DCP2: variants seen among roughly 807,000 people sequenced by gnomAD.
The protein encoded by DCP2 is m7GpppN-mRNA hydrolase.
A neutral mutation model predicts 56.1 loss-of-function variants in DCP2; 30 were observed. That is an observed-to-expected ratio of 0.53 (90% CI 0.40 to 0.73). DCP2 has a LOEUF of 0.73. DCP2 is among the 30% of genes least tolerant of loss of function. The probability of loss-of-function intolerance (pLI) is 0.00; values close to 1 mark genes in which losing one functional copy is unlikely to be tolerated. For missense variants in DCP2, 533 were observed against 502.7 expected, an observed-to-expected ratio of 1.06 and a Z score of -0.58; for synonymous variants, 197 against 163.3, an observed-to-expected ratio of 1.21 and a Z score of -1.57.
At chr5:113,005,487 AAAC>A (rs1021223766) in intron 8 of DCP2, among the ~76,000 whole-genome samples, 37 of 152,298 alleles carry the variant, frequency 2.4e-4, no homozygotes, top group African/African-American at 7.0e-4. Context: ...CTATAATAAA[AAAC>A]AAAAAAACAG....
intron 4 of DCP2, among the ~76,000 whole-genome samples, chr5:112,995,724 T>C (rs568900560): frequency 6.6e-6 from 1 of 152,372 alleles, no homozygotes; most frequent in Non-Finnish European, 1.5e-5. Flanking sequence ...GATTAGGATT[T>C]TTAAAGGCAA....
Position 113,020,005 on chromosome 5 carries a change from T to TTGA in DCP2, c.*6524_*6526dup, listed in dbSNP as rs1440195179. On this transcript the variant is annotated 3_prime_UTR_variant, in exon 11 of 11. Transcript: ENST00000389063. ...ACTGTGCCTATTTCCAAAAGAAGAC[T>TTGA]TGATGTGGCTTTTTACATTATGCTT... 1.3e-5 allele frequency: 2 copies of TTGA among 152,222 alleles called. No individual in the cohort carries two copies. The highest frequency in any genetic ancestry group is 2.9e-5 in the Non-Finnish European group (2 of 68,014). The allele number at this position is 152,222 out of a possible 1,614,324, so 9.4% of individuals were successfully genotyped here. A position where few individuals can be genotyped will look rare whatever the true frequency, so the allele number is the denominator to read the frequency against.
At chr5:113,008,567 C>G (rs989897791) in intron 9 of DCP2, among the ~76,000 whole-genome samples, 4 of 152,090 alleles carry the variant, frequency 2.6e-5, no homozygotes, top group Non-Finnish European at 4.4e-5. Flanking sequence ...TCTGTAAGTT[C>G]TGATATTTGT....
chr5:112,984,331 C>T (rs1213709776), intron 1 of DCP2: 1 of 152,152 alleles, frequency 6.6e-6, no homozygotes, highest in Non-Finnish European at 1.5e-5. Flanking sequence ...ACATACACAT[C>T]TAGATGGAGT....
intron 8 of DCP2, among the ~76,000 whole-genome samples, chr5:113,007,643 C>T (rs1256319343): frequency 4.6e-5 from 7 of 151,922 alleles, no homozygotes; most frequent in South Asian, 2.1e-4. Flanking sequence ...GTGATCCGCC[C>T]GCCTCAGCCT....
At chr5:113,000,420 A>ACACACC (rs75090269) in intron 4 of DCP2, among the ~76,000 whole-genome samples, 7,029 of 146,712 alleles carry the variant, frequency 0.048, 235 homozygotes, top group Non-Finnish European at 0.072. Flanking sequence ...ACACACACAC[A>ACACACC]CACACCCACA....
chr5:113,000,033 C>T (rs542197081), intron 4 of DCP2, among the ~76,000 whole-genome samples: 103 of 144,968 alleles, frequency 7.1e-4, no homozygotes, highest in Non-Finnish European at 1.2e-3. Context: ...TGCACTCCAG[C>T]CCGGGCAACA....
chr5:113,009,023 T>G (rs1330060795), intron 9 of DCP2, among the ~76,000 whole-genome samples: 1 of 152,072 alleles, frequency 6.6e-6, no homozygotes, highest in East Asian at 1.9e-4. Context: ...TTTTTTTGTA[T>G]TTTAGTACAG....
In DCP2 at chr5:113,021,088, T is replaced by C. The variant is rs1006144246; in HGVS notation, c.*7604T>C. ...TGAACATGATAAAAGTATGTTTATA[T>C]AACAGGAAGAAGCTGGGCGCGGTGC... On this transcript the variant is annotated 3_prime_UTR_variant, in exon 11 of 11. Coordinates refer to ENST00000389063, the MANE Select transcript of DCP2 (RefSeq NM_152624.6). The C allele has an allele frequency of 2.0e-5, 3 of 152,136 alleles. No homozygotes were observed. The highest frequency in any genetic ancestry group is 4.4e-5 in the Non-Finnish European group (3 of 68,042). 9.4% of individuals were successfully genotyped at this position (152,136 alleles called of 1,614,324 possible). A position where few individuals can be genotyped will look rare whatever the true frequency, so the allele number is the denominator to read the frequency against.
chr5:112,993,531 C>T (rs1440670829), intron 4 of DCP2, among the ~76,000 whole-genome samples: 1 of 147,564 alleles, frequency 6.8e-6, no homozygotes, highest in African/African-American at 2.5e-5. Flanking sequence ...GAGGCTGAGG[C>T]AGGAGAATCT....
chr5:113,006,971 C>G (rs1413733030), intron 8 of DCP2, among the ~76,000 whole-genome samples: 1 of 152,016 alleles, frequency 6.6e-6, no homozygotes, highest in African/African-American at 2.4e-5. Context: ...TTCACCGTCC[C>G]TATTAAAAAT....
chr5:113,008,123 G>A, intron 9 of DCP2, 81 bp downstream of exon 9: 1 of 1,186,144 alleles, frequency 8.4e-7, no homozygotes, highest in Non-Finnish European at 1.2e-6. Flanking sequence ...GCACAGGAAT[G>A]TTACTTGTTT....
intron 4 of DCP2, among the ~76,000 whole-genome samples, chr5:112,993,150 T>C (rs1748674919): frequency 6.6e-6 from 1 of 152,220 alleles, no homozygotes; most frequent in Non-Finnish European, 1.5e-5. Context: ...TTCTAAGAAG[T>C]TGACATTTGT....
intron 1 of DCP2, chr5:112,984,722 A>ATATATATATATATATATATATT (rs1328543744): frequency 2.2e-5 from 3 of 134,312 alleles, no homozygotes; most frequent in African/African-American, 8.9e-5. Context: ...ATATATATAT[A>ATATATATATATATATATATATT]TATTTGAGAC....
intron 7 of DCP2, 68 bp from the exon 8 acceptor site, chr5:113,003,874 T>A: frequency 6.6e-7 from 1 of 1,523,282 alleles, no homozygotes; most frequent in Non-Finnish European, 9.0e-7. Flanking sequence ...TAAATTTAAC[T>A]ATTAAGGTGT....
In DCP2 at chr5:113,021,795, A is replaced by G. The variant is rs1225848762; in HGVS notation, c.*8311A>G. Among the ~76,000 whole-genome samples, 1 of 152,218 alleles carries G rather than the reference A, an allele frequency of 6.6e-6. No individual in the cohort carries two copies. Among genetic ancestry groups the G allele is most frequent in the Non-Finnish European group, 1.5e-5 (1 of 68,032 alleles). On this transcript the variant is annotated 3_prime_UTR_variant, in exon 11 of 11. Coordinates refer to ENST00000389063, the MANE Select transcript of DCP2 (RefSeq NM_152624.6). ...AAGCTGCTTGCCATCTTGTTGTCCT[A>G]TATGACTTCCTTGCATTTCCAGTCC...
intron 8 of DCP2, among the ~76,000 whole-genome samples, 188 bp downstream of exon 8, chr5:113,004,265 C>T (rs572585132): frequency 1.3e-5 from 2 of 152,222 alleles, no homozygotes; most frequent in Admixed American, 6.5e-5. Context: ...CGGTGTAAAT[C>T]CAGTTAATAA....
At chr5:113,007,129 T>G (rs1320562290) in intron 8 of DCP2, among the ~76,000 whole-genome samples, 3 of 149,558 alleles carry the variant, frequency 2.0e-5, no homozygotes, top group East Asian at 3.9e-4. Context: ...AGACTCCATT[T>G]AAAAAAAAAA....
intron 8 of DCP2, among the ~76,000 whole-genome samples, chr5:113,007,692 C>T (rs1268901931): frequency 2.0e-5 from 3 of 151,752 alleles, no homozygotes; most frequent in Non-Finnish European, 4.4e-5. Flanking sequence ...CCACTGCGCC[C>T]GGCCGAGGTG....
Sources: allele counts gnomAD v4.1 joint callset (sites outside exome capture counted in the v4.1 genomes callset), GRCh38; gene constraint gnomAD v4.1.1; transcripts MANE v1.5; gene names NCBI Gene and HGNC (gene_info 2026-07-23, HGNC 2026-07-21).